The following IRAG2 variants were observed in gnomAD, a reference collection of about 807,000 sequenced individuals.
IRAG2 encodes inositol 1,4,5-triphosphate receptor associated 2, also known as lymphoid restricted membrane protein.
IRAG2 carries 45 observed loss-of-function variants against 69.9 expected under a neutral mutation model. The ratio of observed to expected loss-of-function variants is 0.64; its 90% CI spans 0.51 to 0.83. The LOEUF (loss-of-function observed/expected upper bound fraction) is 0.83. Ranked by LOEUF, IRAG2 falls within the 40% of genes least tolerant of loss-of-function variation. The pLI is 0.00. For synonymous variants in IRAG2, 193 were observed against 202.4 expected (o/e 0.95, Z 0.40); for missense variants, 520 against 587.0 (o/e 0.89, Z 1.18).
intron 6 of IRAG2, among the ~76,000 whole-genome samples, chr12:25,071,562 A>C (rs1419575212): frequency 6.6e-6 from 1 of 152,190 alleles, no homozygotes; most frequent in Non-Finnish European, 1.5e-5. Flanking sequence ...AAGCATTCCC[A>C]CATGCCATGT....
At chr12:25,067,545 G>A (rs1433921518) in intron 5 of IRAG2, among the ~76,000 whole-genome samples, 1 of 152,120 alleles carries the variant, frequency 6.6e-6, no homozygotes, top group East Asian at 1.9e-4. Flanking sequence ...CTATAAATTG[G>A]GGGTTGCCAA....
chr12:25,107,068 T>G lies in IRAG2; in HGVS notation c.1256+18T>G. ...TCTTCAGTGTAAGTTATCTACTTGA[T>G]AAATTCTACCATTTTAGTGGAATGG... On this transcript the variant is annotated intron_variant, in intron 21 of 21. Coordinates refer to ENST00000556887, the MANE Select transcript of IRAG2 (RefSeq NM_001366544.2). 7.2e-7 allele frequency: 1 copy of G among 1,387,222 alleles called. No homozygotes were observed. Among genetic ancestry groups the G allele is most frequent in the Non-Finnish European group, 1.0e-6 (1 of 983,858 alleles). The allele number at this position is 1,387,222 out of a possible 1,614,324, so 85.9% of individuals were successfully genotyped here.
At chr12:25,036,976 T>A (rs1475033747) in intron 15 of IRAG2, among the ~76,000 whole-genome samples, 1 of 152,226 alleles carries the variant, frequency 6.6e-6, no homozygotes, top group Non-Finnish European at 1.5e-5. Flanking sequence ...CTAGTCTAAA[T>A]TAAGATTTTT....
intron 5 of IRAG2, among the ~76,000 whole-genome samples, chr12:25,067,668 T>C (rs1054421416): frequency 2.0e-5 from 3 of 152,122 alleles, no homozygotes; most frequent in Non-Finnish European, 4.4e-5. Context: ...TTTATTTATT[T>C]ATTTAAATTT....
chr12:25,069,749 C>T (rs1464045667), intron 6 of IRAG2, among the ~76,000 whole-genome samples: 2 of 152,110 alleles, frequency 1.3e-5, no homozygotes, highest in Non-Finnish European at 2.9e-5. Context: ...CTTAAATTCA[C>T]GAATGACTGT....
rs148653095 is a variant in IRAG2 at position 25,019,009 on chromosome 12, G to A, written c.1214+1717G>A. ...GTGGGAGGGTTCCCTTGACTGCCTC[G>A]TGGGACTTGCAACCGGGATGGCTTG... On this transcript the variant is annotated intron_variant, in intron 6 of 38. Coordinates refer to the IRAG2 transcript ENST00000636465. Among the ~76,000 whole-genome samples the A allele has an allele frequency of 7.9e-5, 12 of 152,236 alleles. No homozygotes were observed. In the East Asian group the frequency reaches 9.7e-4, roughly 12 times the overall value.
chr12:25,002,497 A>C (rs367930167), upstream of IRAG2, among the ~76,000 whole-genome samples: 46 of 152,346 alleles, frequency 3.0e-4, no homozygotes, highest in Middle Eastern at 0.01. Context: ...ACAACATTGA[A>C]TTAAATGACA....
intron 6 of IRAG2, among the ~76,000 whole-genome samples, chr12:25,072,890 A>T (rs1170572625): frequency 6.6e-6 from 1 of 152,280 alleles, no homozygotes; most frequent in Non-Finnish European, 1.5e-5. Flanking sequence ...TTCTTTGCCC[A>T]GAACAATGTA....
intron 6 of IRAG2, among the ~76,000 whole-genome samples, chr12:25,018,356 G>T (rs987683784): frequency 1.3e-5 from 2 of 151,794 alleles, no homozygotes; most frequent in Non-Finnish European, 2.9e-5. Context: ...ACTGGTGCAT[G>T]CCACCATGCC....
At chr12:25,011,397 A>T in exon 3 of IRAG2, 1 of 1,231,552 alleles carries the variant, frequency 8.1e-7, no homozygotes, top group South Asian at 4.1e-5. Context: ...CAAAATAATC[A>T]ATTTCCTGAG....
intron 3 of IRAG2, among the ~76,000 whole-genome samples, chr12:25,014,398 A>T (rs1944504138): frequency 6.6e-6 from 1 of 152,208 alleles, no homozygotes; most frequent in Non-Finnish European, 1.5e-5. Flanking sequence ...GAGTTCTTTC[A>T]TTCCCCCAAC....
intron 21 of IRAG2, 98 bp downstream of exon 21, chr12:25,107,148 T>C (rs923283941): frequency 2.7e-5 from 14 of 522,850 alleles, no homozygotes; most frequent in African/African-American, 1.8e-4. Flanking sequence ...CTAAAAGACA[T>C]GCCAAATTGT....
intron 11 of IRAG2, chr12:25,032,274 A>G (rs1328006856): frequency 2.5e-6 from 1 of 398,924 alleles, no homozygotes; most frequent in Non-Finnish European, 4.4e-6. Context: ...CTAGAGTAAC[A>G]TGTACAGCCT....
intron 5 of IRAG2, among the ~76,000 whole-genome samples, chr12:25,066,723 T>G (rs1008873867): frequency 6.6e-6 from 1 of 151,592 alleles, no homozygotes; most frequent in Non-Finnish European, 1.5e-5. Context: ...AGTGCAGTGA[T>G]GTGATCTCGG....
rs75093090 is a variant in IRAG2 at position 25,074,800 on chromosome 12, T to A, written c.25-4444T>A. Reference sequence around the variant, plus strand: ...AAATATTAAGTGTCTTGTCTCTCTTTGCGTTATCCTTCATGTTATTACATG... The same window carrying A: ...AAATATTAAGTGTCTTGTCTCTCTTAGCGTTATCCTTCATGTTATTACATG... On this transcript the variant is annotated intron_variant, in intron 6 of 21. Coordinates refer to ENST00000556887, the MANE Select transcript of IRAG2 (RefSeq NM_001366544.2). Among the ~76,000 whole-genome samples, 1,326 of 152,360 alleles carry A rather than the reference T, an allele frequency of 8.7e-3. 16 individuals carry two copies. The highest frequency in any genetic ancestry group is 0.03 in the African/African-American group (1,254 of 41,580).
intron 15 of IRAG2, among the ~76,000 whole-genome samples, chr12:25,100,042 A>G (rs947872234): frequency 1.1e-4 from 17 of 149,832 alleles, no homozygotes; most frequent in African/African-American, 3.5e-4. Context: ...AAAGACTTCA[A>G]TAGACATTTC....
intron 1 of IRAG2, among the ~76,000 whole-genome samples, chr12:25,058,696 T>C (rs890590797): frequency 3.9e-5 from 6 of 152,220 alleles, no homozygotes; most frequent in African/African-American, 1.4e-4. Flanking sequence ...TGAGACCTCA[T>C]TGCTTAGTCA....
chr12:25,017,377 A>G, intron 6 of IRAG2: 2 of 1,105,566 alleles, frequency 1.8e-6, no homozygotes, highest in Non-Finnish European at 2.3e-6. Context: ...TGAGAGTCAC[A>G]CAGCATAAAA....
At chr12:25,044,721 T>C (rs928874439) in intron 16 of IRAG2, among the ~76,000 whole-genome samples, 4 of 125,308 alleles carry the variant, frequency 3.2e-5, no homozygotes, top group Non-Finnish European at 7.2e-5. Flanking sequence ...GAAAATACGA[T>C]ATCTACACAC....
Sources: allele counts gnomAD v4.1 joint callset (sites outside exome capture counted in the v4.1 genomes callset), GRCh38; gene constraint gnomAD v4.1.1; transcripts MANE v1.5; gene names NCBI Gene and HGNC (gene_info 2026-07-23, HGNC 2026-07-21).